PABPC4L: variants seen among roughly 807,000 people sequenced by gnomAD.
PABPC4L encodes poly(A) binding protein cytoplasmic 4 like.
For synonymous variants in PABPC4L, 169 were observed against 164.1 expected (o/e 1.03, Z -0.23); for missense variants, 452 against 451.4 (o/e 1.00, Z -0.01).
At chr4:134,027,778 T>C in the PABPC4L span, among the ~76,000 whole-genome samples, 9 of 152,246 alleles carry the variant, frequency 5.9e-5, no homozygotes, top group Admixed American at 3.9e-4. Flanking sequence ...GTTTATACAA[T>C]TACAAATTGT....
At chr4:134,068,964 A>T in the PABPC4L span, among the ~76,000 whole-genome samples, 1 of 151,820 alleles carries the variant, frequency 6.6e-6, no homozygotes, top group African/African-American at 2.4e-5. Flanking sequence ...ACCACCTGGG[A>T]CTCCCAAAGT....
At chr4:134,025,137 C>A in the PABPC4L span, among the ~76,000 whole-genome samples, 1 of 150,490 alleles carries the variant, frequency 6.6e-6, no homozygotes, top group South Asian at 2.1e-4. Context: ...TTGAGACCTG[C>A]CTGGCATACA....
At chr4:134,072,351 A>G in the PABPC4L span, among the ~76,000 whole-genome samples, 1 of 152,174 alleles carries the variant, frequency 6.6e-6, no homozygotes, top group Non-Finnish European at 1.5e-5. Context: ...TGAGCCTTTC[A>G]GTTAGTCCTG....
chr4:134,139,705 T>TC, the PABPC4L span, among the ~76,000 whole-genome samples: 12 of 151,564 alleles, frequency 7.9e-5, no homozygotes, highest in Non-Finnish European at 2.9e-5. Context: ...TTACTTTTTT[T>TC]TTTGGAGAGA....
chr4:134,033,338 T>C, the PABPC4L span, among the ~76,000 whole-genome samples: 23 of 151,804 alleles, frequency 1.5e-4, no homozygotes, highest in Admixed American at 3.3e-4. Context: ...AGCCTCCCCA[T>C]TCCCTAAGAA....
the PABPC4L span, among the ~76,000 whole-genome samples, chr4:134,131,861 A>G: frequency 4.6e-5 from 7 of 152,116 alleles, no homozygotes; most frequent in East Asian, 9.6e-4. Context: ...CTGTTGTACA[A>G]ATAGGCACAT....
At chr4:134,191,772 A>G (rs1421864404), downstream of PABPC4L, among the ~76,000 whole-genome samples, 1 of 152,092 alleles carries the variant, frequency 6.6e-6, no homozygotes, top group Non-Finnish European at 1.5e-5. Context: ...ATATTAAAAA[A>G]GAGGAAAATT....
At chr4:134,119,514 A>G in the PABPC4L span, among the ~76,000 whole-genome samples, 1 of 151,772 alleles carries the variant, frequency 6.6e-6, no homozygotes, top group African/African-American at 2.4e-5. Flanking sequence ...AAAATATTTA[A>G]CTGGAGCATA....
the PABPC4L span, among the ~76,000 whole-genome samples, chr4:134,039,252 C>G: frequency 6.6e-6 from 1 of 151,976 alleles, no homozygotes; most frequent in Non-Finnish European, 1.5e-5. Context: ...TTTATGTGGT[C>G]AATTTTAGAA....
chr4:134,171,621 G>A, the PABPC4L span, among the ~76,000 whole-genome samples: 10 of 152,184 alleles, frequency 6.6e-5, no homozygotes, highest in East Asian at 1.9e-4. Context: ...AGACAAGGTC[G>A]CCCACTGTCA....
the PABPC4L span, among the ~76,000 whole-genome samples, chr4:134,086,088 T>G: frequency 6.6e-6 from 1 of 152,096 alleles, no homozygotes; most frequent in South Asian, 2.1e-4. Flanking sequence ...TTTTTTACAG[T>G]GTCATGAATC....
At chr4:134,079,033 C>G in the PABPC4L span, among the ~76,000 whole-genome samples, 2 of 137,592 alleles carry the variant, frequency 1.5e-5, no homozygotes, top group African/African-American at 2.8e-5. Flanking sequence ...GTGTAGTGAC[C>G]TGATCTTGGT....
At chr4:134,029,453 A>C in the PABPC4L span, among the ~76,000 whole-genome samples, 1 of 152,088 alleles carries the variant, frequency 6.6e-6, no homozygotes, top group Non-Finnish European at 1.5e-5. Context: ...CCATGAAAAA[A>C]TGTTATATTC....
At chr4:134,184,799 T>C in the PABPC4L span, among the ~76,000 whole-genome samples, 2 of 152,072 alleles carry the variant, frequency 1.3e-5, no homozygotes, top group African/African-American at 4.8e-5. Context: ...CCATTTTGCA[T>C]CCTCACAAGT....
At chr4:134,025,297 A>C in the PABPC4L span, among the ~76,000 whole-genome samples, 1 of 136,922 alleles carries the variant, frequency 7.3e-6, no homozygotes, top group Non-Finnish European at 1.6e-5. Context: ...CAGAGCGAGA[A>C]TTCATCTCAA....
chr4:133,990,362 T>C, the PABPC4L span, among the ~76,000 whole-genome samples: 1 of 152,206 alleles, frequency 6.6e-6, no homozygotes, highest in Non-Finnish European at 1.5e-5. Context: ...GTTTCTATTA[T>C]AATTGTTTTG....
chr4:134,039,328 G>A, the PABPC4L span, among the ~76,000 whole-genome samples: 106 of 152,222 alleles, frequency 7.0e-4, no homozygotes, highest in African/African-American at 2.4e-3. Context: ...TTCTGTAGAT[G>A]TCTATTAGGT....
the PABPC4L span, among the ~76,000 whole-genome samples, chr4:134,168,162 T>C: frequency 6.6e-6 from 1 of 151,876 alleles, no homozygotes; most frequent in East Asian, 1.9e-4. Context: ...TAAACAACAT[T>C]CTCTTGACTG....
the PABPC4L span, among the ~76,000 whole-genome samples, chr4:134,071,769 C>A: frequency 6.6e-6 from 1 of 152,000 alleles, no homozygotes; most frequent in Non-Finnish European, 1.5e-5. Context: ...TTTAGAGAAC[C>A]AGGAAGTGAA....
Sources: gnomAD v4.1 joint callset for allele counts (sites outside exome capture counted in the v4.1 genomes callset) on GRCh38, gnomAD v4.1.1 for gene constraint, MANE v1.5 for transcripts, NCBI Gene and HGNC (gene_info 2026-07-23, HGNC 2026-07-21) for gene names.